CHL1: variants seen among roughly 807,000 people sequenced by gnomAD.
CHL1 encodes the protein cell adhesion molecule L1 like, also known as neural cell adhesion molecule L1-like protein.
Under a neutral mutation model 141.9 loss-of-function variants are expected in CHL1, and 96 were observed. The observed-to-expected ratio is 0.68, with a 90% CI of 0.57 to 0.80. The LOEUF (loss-of-function observed/expected upper bound fraction) is 0.80. Ranked by LOEUF, CHL1 falls within the 30% of genes least tolerant of loss-of-function variation. The pLI is 0.00. For missense variants in CHL1, 1,820 were observed against 1,457.2 expected (o/e 1.25, Z -4.05); for synonymous variants, 613 against 502.2 (o/e 1.22, Z -2.95).
chr3:358,198 G>T (rs2125244746), intron 11 of CHL1, among the ~76,000 whole-genome samples: 1 of 152,278 alleles, frequency 6.6e-6, no homozygotes, highest in Non-Finnish European at 1.5e-5. Context: ...TCCTGGAAGT[G>T]CTTGGAGAGC....
At chr3:214,003 T>C (rs1217743824) in intron 1 of CHL1, among the ~76,000 whole-genome samples, 1 of 152,126 alleles carries the variant, frequency 6.6e-6, no homozygotes, top group Non-Finnish European at 1.5e-5. Flanking sequence ...AAGCCAAACA[T>C]AGGTGGAATA....
At chr3:259,361 G>T (rs1416322378) in intron 2 of CHL1, among the ~76,000 whole-genome samples, 1 of 151,920 alleles carries the variant, frequency 6.6e-6, no homozygotes, top group African/African-American at 2.4e-5. Flanking sequence ...TGGGGCAGGA[G>T]ATAGGAATTG....
At position 342,469 on chromosome 3, in the gene CHL1, T is replaced by A. The variant is rs151233278; in HGVS notation, c.679+387T>A. On this transcript the variant is annotated intron_variant, in intron 7 of 27. Coordinates refer to ENST00000256509, the MANE Select transcript of CHL1 (RefSeq NM_006614.4). ...AACAACAGAGGCAAAAAGATGGAAA[T>A]TTGTATCACCAAACTGGCAAACTTA... Among the ~76,000 whole-genome samples the A allele has an allele frequency of 7.4e-4, 113 of 152,210 alleles. 1 individual carries two copies. The East Asian group carries it at 0.02, about 28-fold the overall frequency.
At chr3:345,010 A>C (rs1185573334) in intron 9 of CHL1, among the ~76,000 whole-genome samples, 1 of 152,118 alleles carries the variant, frequency 6.6e-6, no homozygotes, top group African/African-American at 2.4e-5. Flanking sequence ...AATTAAAATT[A>C]ATAAAATAAA....
chr3:291,854 C>G (rs953620289), intron 2 of CHL1, among the ~76,000 whole-genome samples: 1 of 152,194 alleles, frequency 6.6e-6, no homozygotes, highest in Non-Finnish European at 1.5e-5. Flanking sequence ...TAAAATCCTG[C>G]TGACTAGGCT....
At chr3:283,120 G>A (rs1315569679) in intron 2 of CHL1, among the ~76,000 whole-genome samples, 1 of 152,100 alleles carries the variant, frequency 6.6e-6, no homozygotes, top group Non-Finnish European at 1.5e-5. Context: ...CTCATTTATG[G>A]GAAAGAAACA....
intron 1 of CHL1, among the ~76,000 whole-genome samples, chr3:204,810 AAT>A (rs755525307): frequency 6.6e-6 from 1 of 152,346 alleles, no homozygotes; most frequent in East Asian, 1.9e-4. Flanking sequence ...TTTAAAAAAA[AAT>A]CATAATGTCT....
intron 10 of CHL1, among the ~76,000 whole-genome samples, chr3:353,231 C>T (rs976785370): frequency 3.3e-5 from 5 of 151,952 alleles, no homozygotes; most frequent in South Asian, 2.1e-4. Flanking sequence ...TTTCTGCATA[C>T]GTTGAAAGCA....
At chr3:252,044 C>T (rs1034192348) in intron 2 of CHL1, among the ~76,000 whole-genome samples, 3 of 151,912 alleles carry the variant, frequency 2.0e-5, no homozygotes, top group African/African-American at 7.2e-5. Context: ...TTAAACTTTC[C>T]AACCACCACA....
intron 26 of CHL1, among the ~76,000 whole-genome samples, chr3:399,776 G>A (rs752042173): frequency 2.0e-5 from 3 of 152,184 alleles, no homozygotes; most frequent in Non-Finnish European, 2.9e-5. Context: ...GTTTTAAGAA[G>A]TGACCCATGT....
rs912744481 is a variant in CHL1 at position 408,997 on chromosome 3, T to C, written c.*3286T>C. On this transcript the variant is annotated 3_prime_UTR_variant, in exon 28 of 28. Coordinates refer to ENST00000256509, the MANE Select transcript of CHL1 (RefSeq NM_006614.4). ...AATAATGAGAAATGTTGGTGTGCTT[T>C]TCTAAGCATTTAAAACATAATTGCC... 6.6e-6 allele frequency: 1 copy of C among 152,074 alleles called. No individual in the cohort carries two copies. The highest frequency in any genetic ancestry group is 2.4e-5 in the African/African-American group (1 of 41,422). 9.4% of individuals were successfully genotyped at this position (152,074 alleles called of 1,614,324 possible).
At chr3:333,952 G>A (rs781607218) in intron 5 of CHL1, among the ~76,000 whole-genome samples, 1 of 151,766 alleles carries the variant, frequency 6.6e-6, no homozygotes, top group Admixed American at 6.6e-5. Flanking sequence ...CAACTTGTTT[G>A]TTTGTTTGTT....
intron 2 of CHL1, among the ~76,000 whole-genome samples, chr3:303,873 G>T (rs1015926344): frequency 1.3e-5 from 2 of 152,114 alleles, no homozygotes; most frequent in African/African-American, 4.8e-5. Flanking sequence ...GCCATAAATA[G>T]CTCTTATTAT....
intron 2 of CHL1, among the ~76,000 whole-genome samples, chr3:257,418 A>T (rs1574879481): frequency 6.9e-6 from 1 of 145,550 alleles, no homozygotes; most frequent in Admixed American, 7.0e-5. Context: ...CAGTGGCACC[A>T]CCTCGGCTCA....
chr3:312,922 T>G (rs1253048295), intron 2 of CHL1, among the ~76,000 whole-genome samples: 1 of 152,194 alleles, frequency 6.6e-6, no homozygotes, highest in African/African-American at 2.4e-5. Flanking sequence ...ATAATAAAAG[T>G]TGTTGATCTA....
In CHL1 at chr3:388,675, G is replaced by A. The variant is rs778925123; in HGVS notation, c.2248-577G>A. 3.7e-4 allele frequency among the ~76,000 whole-genome samples: 55 copies of A among 148,648 alleles called. 1 individual carries two copies. The highest frequency in any genetic ancestry group is 9.0e-5 in the Non-Finnish European group (6 of 66,882). On this transcript the variant is annotated intron_variant, in intron 19 of 27. Coordinates refer to ENST00000256509, the MANE Select transcript of CHL1 (RefSeq NM_006614.4). ...AAATAAAGAATGGTCAAGGAGCTGG[G>A]AAATTATAAGAAAGAGGAGCTACTG...
intron 18 of CHL1, 40 bp from the exon 19 acceptor site, chr3:383,776 G>A: frequency 1.3e-6 from 2 of 1,492,368 alleles, no homozygotes; most frequent in South Asian, 1.1e-5. Flanking sequence ...TTACCTATGG[G>A]TTAAAAGGAA....
chr3:395,341 T>C (rs1708582816), intron 24 of CHL1, among the ~76,000 whole-genome samples: 1 of 152,248 alleles, frequency 6.6e-6, no homozygotes, highest in African/African-American at 2.4e-5. Context: ...TACTGTCTGA[T>C]GATGGATGCC....
chr3:261,123 C>T (rs1414734889), intron 2 of CHL1, among the ~76,000 whole-genome samples: 1 of 152,152 alleles, frequency 6.6e-6, no homozygotes, highest in Non-Finnish European at 1.5e-5. Context: ...ATGGCTTTAC[C>T]CTTGATCATT....
Sources: gnomAD v4.1 joint callset for allele counts (sites outside exome capture counted in the v4.1 genomes callset) on GRCh38, gnomAD v4.1.1 for gene constraint, MANE v1.5 for transcripts, NCBI Gene and HGNC (gene_info 2026-07-23, HGNC 2026-07-21) for gene names.